The following KCNIP4 variants were observed in gnomAD, a reference collection of about 807,000 sequenced individuals.
The protein encoded by KCNIP4 is Kv channel-interacting protein 4.
In KCNIP4, 12 loss-of-function variants were observed where a neutral mutation model predicts 34.0. The ratio of observed to expected loss-of-function variants is 0.35; its 90% CI spans 0.23 to 0.57. The LOEUF is 0.57. KCNIP4 is among the 20% of genes least tolerant of loss of function. The pLI, the probability that KCNIP4 is intolerant of heterozygous loss-of-function variation, is 0.83. For synonymous variants in KCNIP4, 124 were observed against 102.2 expected (o/e 1.21, Z -1.29); for missense variants, 238 against 311.7 (o/e 0.76, Z 1.78).
chr4:21,395,345 A>G (rs541789496), intron 1 of KCNIP4, among the ~76,000 whole-genome samples: 27 of 152,246 alleles, frequency 1.8e-4, no homozygotes, highest in African/African-American at 6.0e-4. Flanking sequence ...ATTATCATAC[A>G]TCTTTTAATC....
chr4:20,939,490 C>T (rs531107141), intron 1 of KCNIP4, among the ~76,000 whole-genome samples: 7 of 152,212 alleles, frequency 4.6e-5, no homozygotes, highest in African/African-American at 1.4e-4. Flanking sequence ...TCTCCTGCCT[C>T]AGTCTCCTGA....
chr4:21,484,133 T>C (rs1235384535), intron 1 of KCNIP4, among the ~76,000 whole-genome samples: 1 of 152,100 alleles, frequency 6.6e-6, no homozygotes, highest in Non-Finnish European at 1.5e-5. Flanking sequence ...TCACTATGAT[T>C]TATGAGAAAG....
chr4:21,114,874 C>T (rs1179256234), intron 1 of KCNIP4, among the ~76,000 whole-genome samples: 1 of 152,098 alleles, frequency 6.6e-6, no homozygotes, highest in East Asian at 1.9e-4. Context: ...TTGAACTTGG[C>T]AGCAGTATAA....
At chr4:20,739,834 T>C (rs192817535) in intron 5 of KCNIP4, among the ~76,000 whole-genome samples, 1 of 152,200 alleles carries the variant, frequency 6.6e-6, no homozygotes. Flanking sequence ...ACAAAGAAGC[T>C]AAAAACCTTG....
At chr4:20,929,470 C>T (rs981019197) in intron 1 of KCNIP4, among the ~76,000 whole-genome samples, 1 of 152,000 alleles carries the variant, frequency 6.6e-6, no homozygotes, top group African/African-American at 2.4e-5. Context: ...CACTAAGATC[C>T]AGTGCAAAGC....
chr4:21,061,880 A>T (rs908197537), intron 1 of KCNIP4, among the ~76,000 whole-genome samples: 1 of 152,158 alleles, frequency 6.6e-6, no homozygotes, highest in Non-Finnish European at 1.5e-5. Context: ...TAAGAAAAGG[A>T]GATTAGAACA....
At chr4:20,814,289 G>T (rs1361124688) in intron 3 of KCNIP4, among the ~76,000 whole-genome samples, 2 of 152,132 alleles carry the variant, frequency 1.3e-5, no homozygotes, top group Admixed American at 1.3e-4. Context: ...CACCTCACAG[G>T]ATAGGCAGAG....
chr4:21,480,083 A>G (rs1461482730), intron 1 of KCNIP4, among the ~76,000 whole-genome samples: 4 of 151,692 alleles, frequency 2.6e-5, no homozygotes, highest in Admixed American at 2.6e-4. Context: ...AATTAATCAC[A>G]TTGACTAAGA....
chr4:21,048,944 CTTTTTTTT>C (rs949548104), intron 1 of KCNIP4, among the ~76,000 whole-genome samples: 13 of 96,050 alleles, frequency 1.4e-4, no homozygotes, highest in African/African-American at 5.1e-4. Context: ...TTCTGTTTAT[CTTTTTTTT>C]TTTTTTTTTT....
chr4:21,271,349 AG>A (rs1165296180), intron 1 of KCNIP4, among the ~76,000 whole-genome samples: 2 of 152,228 alleles, frequency 1.3e-5, no homozygotes, highest in Non-Finnish European at 1.5e-5. Flanking sequence ...TTTCATTTCT[AG>A]TACTGAGCTT....
Position 21,595,512 on chromosome 4 carries a change from T to C in KCNIP4, c.61+353059A>G, listed in dbSNP as rs1577662790. 7.9e-5 allele frequency among the ~76,000 whole-genome samples: 12 copies of C among 152,218 alleles called. No homozygotes were observed. The South Asian group carries it at 2.5e-3, about 32-fold the overall frequency. On this transcript the variant is annotated intron_variant, in intron 1 of 8. Coordinates refer to ENST00000382152, the MANE Select transcript of KCNIP4 (RefSeq NM_025221.6). The stretch of plus-strand genomic sequence containing the variant: ...AATCCTTTGGGTATACACCCAGTAA[T>C]GGGATTGCTGGGTCAAATAGTATTT...
chr4:21,176,955 C>A (rs1412854193), intron 1 of KCNIP4, among the ~76,000 whole-genome samples: 2 of 152,210 alleles, frequency 1.3e-5, no homozygotes, highest in African/African-American at 4.8e-5. Flanking sequence ...TGCTGATAAG[C>A]AGATATTCAG....
intron 1 of KCNIP4, among the ~76,000 whole-genome samples, chr4:21,935,566 C>A (rs1272760077): frequency 6.6e-6 from 1 of 151,970 alleles, no homozygotes; most frequent in Non-Finnish European, 1.5e-5. Context: ...AGAATCTTCC[C>A]CAACAAGTCA....
chr4:21,486,942 T>A (rs1731974296), intron 1 of KCNIP4, among the ~76,000 whole-genome samples: 1 of 151,256 alleles, frequency 6.6e-6, no homozygotes, highest in Non-Finnish European at 1.5e-5. Flanking sequence ...GGACTACAGG[T>A]GTGCATCATC....
rs116278307 is a variant in KCNIP4, at chr4:21,120,271, C to G, written c.62-237562G>C. Among the ~76,000 whole-genome samples, 242 of 152,280 alleles carry G rather than the reference C, an allele frequency of 1.6e-3. 1 individual carries two copies. Among genetic ancestry groups the G allele is most frequent in the African/African-American group, 5.6e-3 (232 of 41,550 alleles). On this transcript the variant is annotated intron_variant, in intron 1 of 8. Coordinates refer to ENST00000382152, the MANE Select transcript of KCNIP4 (RefSeq NM_025221.6). The stretch of plus-strand genomic sequence containing the variant: ...GGGCTGCCATAGCAAATATCACAGA[C>G]TAGGGGGCTTAAACAACAGAGAAAT...
At chr4:20,957,900 G>A (rs1733476301) in intron 1 of KCNIP4, among the ~76,000 whole-genome samples, 1 of 152,118 alleles carries the variant, frequency 6.6e-6, no homozygotes, top group Admixed American at 6.5e-5. Context: ...TCTGCTTTCT[G>A]GCCTCACATC....
intron 1 of KCNIP4, among the ~76,000 whole-genome samples, chr4:21,118,208 C>G (rs1176314365): frequency 3.9e-5 from 6 of 152,100 alleles, no homozygotes; most frequent in African/African-American, 1.4e-4. Flanking sequence ...AACAGGCATC[C>G]AGTCAGAGCA....
At chr4:21,315,840 G>A (rs913294579) in intron 1 of KCNIP4, among the ~76,000 whole-genome samples, 4 of 152,074 alleles carry the variant, frequency 2.6e-5, no homozygotes, top group Admixed American at 6.6e-5. Context: ...CCCCAGCTTC[G>A]ATTTTCAGTG....
At chr4:21,863,357 A>C (rs1026969016) in intron 1 of KCNIP4, among the ~76,000 whole-genome samples, 3 of 151,646 alleles carry the variant, frequency 2.0e-5, no homozygotes, top group African/African-American at 7.2e-5. Flanking sequence ...GATGAAGTAG[A>C]TAGCAACAGC....
Sources: allele counts gnomAD v4.1 joint callset (sites outside exome capture counted in the v4.1 genomes callset), GRCh38; gene constraint gnomAD v4.1.1; transcripts MANE v1.5; gene names NCBI Gene and HGNC (gene_info 2026-07-23, HGNC 2026-07-21).